Variants in DMBT1 observed in about 807,000 individuals in gnomAD.
DMBT1 encodes deleted in malignant brain tumors 1, also known as scavenger receptor cysteine-rich domain-containing protein DMBT1.
DMBT1 carries 198 observed loss-of-function variants against 252.9 expected under a neutral mutation model. The observed-to-expected ratio is 0.78, with a 90% CI of 0.70 to 0.88. The LOEUF is 0.88. DMBT1 is among the 40% of genes least tolerant of loss of function. The pLI, the probability that DMBT1 is intolerant of heterozygous loss-of-function variation, is 0.00. For synonymous variants in DMBT1, 990 were observed against 942.7 expected (o/e 1.05, Z -0.92); for missense variants, 2,432 against 2,404.7 (o/e 1.01, Z -0.24).
chr10:122,624,274 T>C (rs2098098352), intron 44 of DMBT1, among the ~76,000 whole-genome samples: 1 of 152,194 alleles, frequency 6.6e-6, no homozygotes, highest in African/African-American at 2.4e-5. Flanking sequence ...CTTGAATTGC[T>C]GGTCACTGGG....
chr10:122,587,451 C>T (rs1285830546), intron 16 of DMBT1, among the ~76,000 whole-genome samples: 2 of 148,844 alleles, frequency 1.3e-5, no homozygotes, highest in African/African-American at 2.4e-5. Flanking sequence ...AGGTGTGGGG[C>T]AGGCAGTGCC....
chr10:122,593,652 C>T, intron 21 of DMBT1, 54 bp downstream of exon 21: 4 of 1,514,238 alleles, frequency 2.6e-6, no homozygotes, highest in Non-Finnish European at 3.6e-6. Flanking sequence ...GCCCAATCAC[C>T]CCTTCCACAC....
chr10:122,638,025 T>C (rs1172377737), intron 54 of DMBT1, among the ~76,000 whole-genome samples: 1 of 152,216 alleles, frequency 6.6e-6, no homozygotes, highest in African/African-American at 2.4e-5. Flanking sequence ...CCTGGGACTT[T>C]GCAGATTTTA....
intron 7 of DMBT1, among the ~76,000 whole-genome samples, chr10:122,577,012 A>G (rs2097718576): frequency 6.6e-6 from 1 of 152,236 alleles, no homozygotes. Context: ...GCCTGTGGGT[A>G]CAATGCCACG....
At chr10:122,571,241 G>A (rs559605244) in intron 4 of DMBT1, among the ~76,000 whole-genome samples, 2 of 152,320 alleles carry the variant, frequency 1.3e-5, no homozygotes, top group African/African-American at 4.8e-5. Flanking sequence ...AGGTCAAGCG[G>A]TTATCTTCCT....
At position 122,586,252 on chromosome 10, in the gene DMBT1, A is replaced by T. The variant is rs369511064; in HGVS notation, c.1652A>T (p.Gln551Leu). Residue 551 changes from glutamine to leucine, a missense_variant, in exon 16 of 56, where the codon CAG (glutamine) becomes CTG (leucine). This residue lies in a region of DMBT1 where 1,264 missense variants were observed against 1,082.2 expected (regional missense o/e 1.17). Coordinates refer to ENST00000338354, the MANE Select transcript of DMBT1 (RefSeq NM_001377530.1). ...GCCCCAGGAAATGCCCGGTTTGGTC[A>T]GGGCTCAGGACCCATTGTCCTGGAT... is the stretch of plus-strand genomic sequence containing the variant. ...MLAPGNARFG[Q>L]GSGPIVLDDV... 2 of 1,588,850 alleles carry T rather than the reference A, an allele frequency of 1.3e-6. No homozygotes were observed. The highest frequency in any genetic ancestry group is 2.7e-5 in the African/African-American group (2 of 74,630).
intron 25 of DMBT1, 111 bp downstream of exon 25, chr10:122,598,123 C>T: frequency 6.6e-7 from 1 of 1,508,802 alleles, no homozygotes. Flanking sequence ...TTTTCATGTC[C>T]CTGTGGGTTG....
rs1330828515 is a variant in DMBT1 at position 122,630,492 on chromosome 10, T to C, written c.6025+2T>C. ...CTTGGTATAACTCCTTCCCAAGCGGTAAGTGCACACTAGACCATGCCTATG... is the reference window on the plus strand; with the variant it reads ...CTTGGTATAACTCCTTCCCAAGCGGCAAGTGCACACTAGACCATGCCTATG... On this transcript the variant is annotated splice_donor_variant, in intron 48 of 55. Transcript: ENST00000338354. LOFTEE classifies it high-confidence loss of function. The C allele has an allele frequency of 6.2e-7, 1 of 1,613,872 alleles. No individual in the cohort carries two copies. The highest frequency in any genetic ancestry group is 1.7e-5 in the Admixed American group (1 of 60,024).
intron 1 of DMBT1, among the ~76,000 whole-genome samples, chr10:122,562,567 C>T (rs1019011624): frequency 2.0e-5 from 3 of 152,244 alleles, no homozygotes; most frequent in African/African-American, 4.8e-5. Context: ...GTACCGAGTT[C>T]ACCCTCCAGA....
At position 122,600,210 on chromosome 10, in the gene DMBT1, T is replaced by C. The variant is rs12774049; in HGVS notation, c.3310+117T>C. 1,959 of 1,377,744 alleles carry C rather than the reference T, an allele frequency of 1.4e-3. 30 individuals carry two copies. In the African/African-American group the frequency reaches 0.014, roughly 10 times the overall value. 85.3% of individuals were successfully genotyped at this position (1,377,744 alleles called of 1,614,324 possible). A position where few individuals can be genotyped will look rare whatever the true frequency, so the allele number is the denominator to read the frequency against. On this transcript the variant is annotated intron_variant, in intron 27 of 55. Coordinates refer to ENST00000338354, the MANE Select transcript of DMBT1 (RefSeq NM_001377530.1). ...TGGATACTGTGGGGCATATTATTTC[T>C]ACCCCCAACACCAGTTGTGTAACTG...
rs1381921275 is a variant in DMBT1, at chr10:122,591,594, G to A, written c.2176+77G>A. On this transcript the variant is annotated intron_variant, in intron 19 of 55. Coordinates refer to ENST00000338354, the MANE Select transcript of DMBT1 (RefSeq NM_001377530.1). The stretch of plus-strand genomic sequence containing the variant: ...ATGTTTTCTCTGAAAATGATAGGAT[G>A]AGGGTCAAGGTGGGCCCCTGTCTTT... The A allele has an allele frequency of 2.8e-6, 4 of 1,450,120 alleles. 1 individual carries two copies. The East Asian group carries it at 9.7e-5, about 35-fold the overall frequency. 89.8% of individuals were successfully genotyped at this position (1,450,120 alleles called of 1,614,324 possible).
rs201664135 is a variant in DMBT1, at chr10:122,625,891, A to G, written c.5636-42A>G. The G allele has an allele frequency of 2.8e-5, 44 of 1,550,144 alleles. No individual in the cohort carries two copies. The East Asian group carries it at 9.2e-4, about 32-fold the overall frequency. ...AAACAAATTACTATGGAATGGAAAAATTATCTACTAAAATCCTAAACAGCT... is the reference window on the plus strand; with the variant it reads ...AAACAAATTACTATGGAATGGAAAAGTTATCTACTAAAATCCTAAACAGCT... On this transcript the variant is annotated intron_variant, in intron 45 of 55. Coordinates refer to ENST00000338354, the MANE Select transcript of DMBT1 (RefSeq NM_001377530.1).
intron 45 of DMBT1, 66 bp from the exon 46 acceptor site, chr10:122,625,867 A>G: frequency 2.1e-5 from 28 of 1,362,820 alleles, no homozygotes; most frequent in Non-Finnish European, 2.9e-5. Context: ...TTGTCAGTCA[A>G]ACAAATTACT....
intron 21 of DMBT1, 80 bp downstream of exon 21, chr10:122,593,678 T>C: frequency 7.1e-7 from 1 of 1,413,382 alleles, no homozygotes. Flanking sequence ...AGAGCTCTCC[T>C]GTTTCTCTGT....
chr10:122,620,395 CAT>C, intron 43 of DMBT1, 104 bp downstream of exon 43: 1 of 1,400,686 alleles, frequency 7.1e-7, no homozygotes, highest in Non-Finnish European at 1.0e-6. Context: ...CTCTGTTTTT[CAT>C]GTTTCCGCGA....
intron 44 of DMBT1, among the ~76,000 whole-genome samples, chr10:122,622,849 G>A (rs969148811): frequency 6.6e-6 from 1 of 152,196 alleles, no homozygotes; most frequent in Admixed American, 6.5e-5. Flanking sequence ...CAGGCAGGAT[G>A]TTTGTGACAG....
At chr10:122,568,728 C>T (rs115578932) in intron 2 of DMBT1, among the ~76,000 whole-genome samples, 2,918 of 152,294 alleles carry the variant, frequency 0.019, 101 homozygotes, top group South Asian at 0.14. Flanking sequence ...GCAGGCAGCT[C>T]GGCTGTGGCT....
intron 15 of DMBT1, 137 bp downstream of exon 15, chr10:122,585,446 G>C: frequency 1.7e-6 from 2 of 1,178,020 alleles, no homozygotes; most frequent in Non-Finnish European, 2.4e-6. Flanking sequence ...GAGGAAGGTA[G>C]AGTCTCTGGG....
intron 52 of DMBT1, among the ~76,000 whole-genome samples, chr10:122,634,834 G>T (rs914865586): frequency 6.6e-6 from 1 of 152,136 alleles, no homozygotes; most frequent in Non-Finnish European, 1.5e-5. Flanking sequence ...CCAAGGAGGC[G>T]GGTGGCCCAG....
Sources: gnomAD v4.1 joint callset for allele counts (sites outside exome capture counted in the v4.1 genomes callset) on GRCh38, gnomAD v4.1.1 for gene constraint, gnomAD v4.1.1 regional missense constraint, MANE v1.5 for transcripts, NCBI Gene and HGNC (gene_info 2026-07-23, HGNC 2026-07-21) for gene names.